KIF26B: variants seen among roughly 807,000 people sequenced by gnomAD.
KIF26B encodes the protein kinesin-like protein KIF26B.
KIF26B carries 63 observed loss-of-function variants against 151.2 expected under a neutral mutation model. The observed-to-expected ratio is 0.42, with a 90% CI of 0.34 to 0.51. The LOEUF (loss-of-function observed/expected upper bound fraction) is 0.51, where lower values mean the gene tolerates loss of function less well. KIF26B is among the 20% of genes least tolerant of loss of function. The probability of loss-of-function intolerance (pLI) is 0.07; values close to 1 mark genes in which losing one functional copy is unlikely to be tolerated. For synonymous variants in KIF26B, 1,357 were observed against 1,262.1 expected (o/e 1.08, Z -1.59); for missense variants, 2,813 against 2,913.6 (o/e 0.97, Z 0.79).
intron 2 of KIF26B, among the ~76,000 whole-genome samples, chr1:245,224,304 T>G (rs1317885773): frequency 7.1e-6 from 1 of 141,398 alleles, no homozygotes; most frequent in African/African-American, 2.6e-5. Flanking sequence ...AAAAAAAAAA[T>G]TCTGTATGAT....
chr1:245,305,048 G>T (rs904486179), intron 2 of KIF26B, among the ~76,000 whole-genome samples: 2 of 152,082 alleles, frequency 1.3e-5, no homozygotes, highest in Admixed American at 6.5e-5. Context: ...CCAGGACATG[G>T]AAACATTTTT....
chr1:245,329,760 A>G (rs1455313637), intron 2 of KIF26B, among the ~76,000 whole-genome samples: 1 of 152,242 alleles, frequency 6.6e-6, no homozygotes. Context: ...TAAATAAACA[A>G]TAGAGTGACA....
At chr1:245,521,210 A>ATG (rs1661096199) in intron 4 of KIF26B, among the ~76,000 whole-genome samples, 1 of 151,998 alleles carries the variant, frequency 6.6e-6, no homozygotes, top group African/African-American at 2.4e-5. Context: ...GGTGGCGAGC[A>ATG]CCTGTAGTCC....
At chr1:245,232,158 T>C (rs1368650790) in intron 2 of KIF26B, among the ~76,000 whole-genome samples, 6 of 152,244 alleles carry the variant, frequency 3.9e-5, no homozygotes, top group Non-Finnish European at 7.3e-5. Context: ...TGGAGCTAGA[T>C]TGCAATGTTT....
Position 245,468,997 on chromosome 1 carries a change from T to C in KIF26B, c.1166+49252T>C, listed in dbSNP as rs924476130. Among the ~76,000 whole-genome samples the C allele has an allele frequency of 2.0e-5, 3 of 152,240 alleles. No individual in the cohort carries two copies. The East Asian group carries it at 5.8e-4, about 29-fold the overall frequency. ...AATATTTACACACAATATATATTCA[T>C]GTATATGTATGTATGTTGTATTTTT... On this transcript the variant is annotated intron_variant, in intron 4 of 14. Transcript: ENST00000407071.
rs1335781614 is a variant in KIF26B at position 245,318,508 on chromosome 1, TGC to T, written c.466-48325_466-48324del. On this transcript the variant is annotated intron_variant, in intron 2 of 14. Coordinates refer to ENST00000407071, the MANE Select transcript of KIF26B (RefSeq NM_018012.4). This position sits in a 1 kb window ranked among gnomAD's most constrained non-coding sequence, Gnocchi z 4.0. ...ACTTGCCTTCTTGCTCATTAATATC[TGC>T]TTGGCTCCGGATCTGCAGGTAGAGC... Among the ~76,000 whole-genome samples, 3 of 152,182 alleles carry T rather than the reference TGC, an allele frequency of 2.0e-5. No individual in the cohort carries two copies. Among genetic ancestry groups the T allele is most frequent in the African/African-American group, 4.8e-5 (2 of 41,458 alleles).
rs112311162 is a variant in KIF26B at position 245,248,281 on chromosome 1, C to T, written c.465+91598C>T. 7.3e-3 allele frequency among the ~76,000 whole-genome samples: 1,115 copies of T among 152,246 alleles called. 15 individuals carry two copies. The highest frequency in any genetic ancestry group is 0.025 in the African/African-American group (1,049 of 41,542). ...GGAAGGACTTTTTGCAGGGAGCTGC[C>T]GTCAGAGGACTGAGAGCCAGCGTTC... On this transcript the variant is annotated intron_variant, in intron 2 of 14. Coordinates refer to ENST00000407071, the MANE Select transcript of KIF26B (RefSeq NM_018012.4).
At chr1:245,550,254 G>A (rs1181118566) in intron 5 of KIF26B, among the ~76,000 whole-genome samples, 1 of 152,258 alleles carries the variant, frequency 6.6e-6, no homozygotes, top group African/African-American at 2.4e-5. Flanking sequence ...GGATTCGTTA[G>A]TGGAGCTCTG....
chr1:245,685,245 G>A (rs1035937543), intron 11 of KIF26B, among the ~76,000 whole-genome samples, 160 bp from the exon 12 acceptor site: 8 of 152,218 alleles, frequency 5.3e-5, no homozygotes, highest in African/African-American at 1.4e-4. Context: ...CACCGGGCGC[G>A]CGGGCATGGC....
chr1:245,221,502 T>C (rs1276610052), intron 2 of KIF26B, among the ~76,000 whole-genome samples: 2 of 151,964 alleles, frequency 1.3e-5, no homozygotes, highest in East Asian at 3.9e-4. Flanking sequence ...TCGCTTCCCC[T>C]GTTCAAACCA....
At chr1:245,697,900 G>T (rs914515952) in intron 12 of KIF26B, among the ~76,000 whole-genome samples, 2 of 151,936 alleles carry the variant, frequency 1.3e-5, no homozygotes, top group Admixed American at 6.6e-5. Context: ...AATTAGCTGG[G>T]TGTGGTGGTG....
intron 3 of KIF26B, among the ~76,000 whole-genome samples, chr1:245,368,663 C>A (rs1673021077): frequency 6.6e-6 from 1 of 152,146 alleles, no homozygotes; most frequent in African/African-American, 2.4e-5. Context: ...AGGACTCAGA[C>A]TTCTTCCACC....
intron 2 of KIF26B, among the ~76,000 whole-genome samples, chr1:245,310,306 ACC>A (rs1671642466): frequency 6.6e-6 from 1 of 151,914 alleles, no homozygotes; most frequent in South Asian, 2.1e-4. Flanking sequence ...GAAGAGGTAA[ACC>A]TTTGGGTTCA....
intron 2 of KIF26B, among the ~76,000 whole-genome samples, chr1:245,257,064 T>C (rs1364138310): frequency 6.6e-6 from 1 of 152,190 alleles, no homozygotes; most frequent in South Asian, 2.1e-4. Context: ...ATCTGCATAA[T>C]AAGAACCTTG....
At chr1:245,584,129 A>T (rs2103131304) in intron 5 of KIF26B, among the ~76,000 whole-genome samples, 1 of 152,256 alleles carries the variant, frequency 6.6e-6, no homozygotes, top group South Asian at 2.1e-4. Flanking sequence ...CATCCTCATG[A>T]TAGTGAGTTC....
chr1:245,400,493 T>TG lies in KIF26B; in HGVS notation c.1000-19086_1000-19085insG, dbSNP rs1252151934. Among the ~76,000 whole-genome samples the TG allele has an allele frequency of 8.9e-4, 134 of 151,226 alleles. 1 individual carries two copies. The highest frequency in any genetic ancestry group is 1.6e-3 in the Non-Finnish European group (106 of 67,694). ...AACAATCACATAGATAGTGAGTTTTTTTTTTTTTTTTTTGAAATTACCTTG... is the reference window on the plus strand; with the variant it reads ...AACAATCACATAGATAGTGAGTTTTTGTTTTTTTTTTTTTGAAATTACCTTG... On this transcript the variant is annotated intron_variant, in intron 3 of 14. Coordinates refer to ENST00000407071, the MANE Select transcript of KIF26B (RefSeq NM_018012.4).
chr1:245,583,085 T>G (rs1357037477), intron 5 of KIF26B, among the ~76,000 whole-genome samples: 1 of 152,186 alleles, frequency 6.6e-6, no homozygotes, highest in Non-Finnish European at 1.5e-5. Flanking sequence ...CAGATTGCTT[T>G]TAAAACATTT....
At chr1:245,423,701 C>T (rs771325075) in intron 4 of KIF26B, among the ~76,000 whole-genome samples, 4 of 152,044 alleles carry the variant, frequency 2.6e-5, no homozygotes, top group Non-Finnish European at 5.9e-5. Flanking sequence ...TTCCTGTTGA[C>T]GAAAAATATG....
At chr1:245,297,218 C>G (rs1030595727) in intron 2 of KIF26B, among the ~76,000 whole-genome samples, 26 of 152,148 alleles carry the variant, frequency 1.7e-4, no homozygotes, top group Non-Finnish European at 2.9e-5. Flanking sequence ...TGGCACACAC[C>G]TGTAATCCCA....
Sources: gnomAD v4.1 joint callset for allele counts (sites outside exome capture counted in the v4.1 genomes callset) on GRCh38, gnomAD v4.1.1 for gene constraint, Gnocchi (gnomAD v3.1) non-coding constraint, MANE v1.5 for transcripts, NCBI Gene and HGNC (gene_info 2026-07-23, HGNC 2026-07-21) for gene names.